Variants in ULK4 observed in about 807,000 individuals in gnomAD.
ULK4 encodes the protein inactive serine/threonine-protein kinase ULK4.
In ULK4, 133 loss-of-function variants were observed where a neutral mutation model predicts 160.6. The observed-to-expected ratio is 0.83, with a 90% CI of 0.72 to 0.96. The LOEUF (loss-of-function observed/expected upper bound fraction) is 0.96. ULK4 is among the 40% of genes least tolerant of loss of function. The pLI, the probability that ULK4 is intolerant of heterozygous loss-of-function variation, is 0.00. For synonymous variants in ULK4, 534 were observed against 539.8 expected, an observed-to-expected ratio of 0.99 and a Z score of 0.15; for missense variants, 1,580 against 1,499.5, an observed-to-expected ratio of 1.05 and a Z score of -0.89.
At chr3:41,734,634 A>G (rs2037964403) in intron 22 of ULK4, among the ~76,000 whole-genome samples, 1 of 152,168 alleles carries the variant, frequency 6.6e-6, no homozygotes, top group African/African-American at 2.4e-5. Context: ...CAAAGAAGAG[A>G]CTGAGGTGGG....
In ULK4 at chr3:41,754,459, A is replaced by G; in HGVS notation, c.2223T>C (p.Leu741=). 1 of 1,613,564 alleles carries G rather than the reference A, an allele frequency of 6.2e-7. No individual in the cohort carries two copies. Among genetic ancestry groups the G allele is most frequent in the Non-Finnish European group, 8.5e-7 (1 of 1,179,756 alleles). ...KGFVSTIIRL[L]DSPSTCIRAK... Reference sequence around the variant, plus strand: ...CTCTAATGCATGTTGAGGGGCTGTCAAGTAAACGGATAATTGTGGAGACAA... The same window carrying G: ...CTCTAATGCATGTTGAGGGGCTGTCGAGTAAACGGATAATTGTGGAGACAA... The change falls in exon 22 of 37, where the codon CTT becomes CTC. Residue 741 remains leucine, a synonymous_variant. Coordinates refer to ENST00000301831, the MANE Select transcript of ULK4 (RefSeq NM_017886.4).
chr3:41,376,036 T>A (rs56309005), intron 35 of ULK4, among the ~76,000 whole-genome samples: 1 of 149,916 alleles, frequency 6.7e-6, no homozygotes, highest in South Asian at 2.2e-4. Context: ...TAAAAAAAGC[T>A]CATCATCGCT....
chr3:41,340,538 T>C lies in ULK4; in HGVS notation c.3678+57541A>G, dbSNP rs866133171. Among the ~76,000 whole-genome samples, 17 of 152,378 alleles carry C rather than the reference T, an allele frequency of 1.1e-4. No homozygotes were observed. In the Middle Eastern group the frequency reaches 0.014, roughly 122 times the overall value. The stretch of plus-strand genomic sequence containing the variant: ...AAAGGAATTAACTAGATCAGCACTA[T>C]CTAATATAGTAGTTACTAGTCACAT... On this transcript the variant is annotated intron_variant, in intron 35 of 36. Coordinates refer to ENST00000301831, the MANE Select transcript of ULK4 (RefSeq NM_017886.4).
intron 27 of ULK4, among the ~76,000 whole-genome samples, chr3:41,688,692 C>T (rs1240391185): frequency 6.6e-6 from 1 of 152,094 alleles, no homozygotes; most frequent in Non-Finnish European, 1.5e-5. Context: ...AACCGTCAGC[C>T]CTGTGTGCTA....
At position 41,953,285 on chromosome 3, in the gene ULK4, C is replaced by CACATATATATATATATAT. The variant is rs374288098; in HGVS notation, c.138+1336_138+1337insATATATATATATATATGT. 2.3e-3 allele frequency among the ~76,000 whole-genome samples: 199 copies of CACATATATATATATATAT among 85,770 alleles called. 3 individuals carry two copies. The highest frequency in any genetic ancestry group is 3.2e-3 in the Non-Finnish European group (133 of 41,016). The allele number at this position is 85,770 out of a possible 152,430, so 56.3% of individuals were successfully genotyped here. A position where few individuals can be genotyped will look rare whatever the true frequency, so the allele number is the denominator to read the frequency against. ...ATATACACATATATACATATATACA[C>CACATATATATATATATAT]ATATATATATATATATATATTTTTT... On this transcript the variant is annotated intron_variant, in intron 2 of 36. Transcript: ENST00000301831.
intron 32 of ULK4, among the ~76,000 whole-genome samples, chr3:41,559,124 G>A (rs1014920317): frequency 4.7e-5 from 7 of 150,058 alleles, no homozygotes; most frequent in Non-Finnish European, 8.9e-5. Flanking sequence ...AGAATATGCA[G>A]TGTTTGGTTT....
intron 32 of ULK4, among the ~76,000 whole-genome samples, chr3:41,497,502 C>A (rs2085037031): frequency 6.6e-6 from 1 of 151,964 alleles, no homozygotes; most frequent in South Asian, 2.1e-4. Flanking sequence ...CATAGTTTGC[C>A]AAATTTGGCA....
At chr3:41,753,506 T>C (rs992401220) in intron 22 of ULK4, among the ~76,000 whole-genome samples, 1 of 152,102 alleles carries the variant, frequency 6.6e-6, no homozygotes, top group Non-Finnish European at 1.5e-5. Context: ...TCAGAAAGCA[T>C]CAGAACACGA....
chr3:41,283,690 T>C (rs1320787119), intron 35 of ULK4, among the ~76,000 whole-genome samples: 1 of 152,056 alleles, frequency 6.6e-6, no homozygotes, highest in African/African-American at 2.4e-5. Flanking sequence ...AAATACCTAA[T>C]TTAAATGACA....
chr3:41,733,011 G>A (rs527558249), intron 22 of ULK4, among the ~76,000 whole-genome samples: 15 of 152,016 alleles, frequency 9.9e-5, no homozygotes. Context: ...CAGTTCGATA[G>A]GGAAAATAAG....
intron 35 of ULK4, among the ~76,000 whole-genome samples, chr3:41,267,084 T>C (rs942393825): frequency 6.8e-6 from 1 of 147,480 alleles, no homozygotes; most frequent in Non-Finnish European, 1.5e-5. Flanking sequence ...GTACAGTACA[T>C]GCAGGTTGGT....
intron 34 of ULK4, among the ~76,000 whole-genome samples, chr3:41,414,416 T>A (rs1318051129): frequency 6.6e-6 from 1 of 152,202 alleles, no homozygotes; most frequent in African/African-American, 2.4e-5. Flanking sequence ...CAATTTAAAA[T>A]CACAGTTGTG....
At chr3:41,317,063 A>ATTTCTT (rs2080157020) in intron 35 of ULK4, among the ~76,000 whole-genome samples, 1 of 94,522 alleles carries the variant, frequency 1.1e-5, no homozygotes, top group African/African-American at 4.3e-5. Flanking sequence ...AATTACATCT[A>ATTTCTT]TTTTTTTTTT....
intron 27 of ULK4, among the ~76,000 whole-genome samples, chr3:41,693,920 G>T (rs898351394): frequency 6.6e-6 from 1 of 152,178 alleles, no homozygotes; most frequent in African/African-American, 2.4e-5. Context: ...ACTAGGAGTG[G>T]GGAAGGGAGC....
chr3:41,465,252 G>C (rs1433930255), intron 32 of ULK4, among the ~76,000 whole-genome samples: 2 of 152,152 alleles, frequency 1.3e-5, no homozygotes, highest in South Asian at 4.1e-4. Flanking sequence ...AAAGTCATGA[G>C]ACAGTTCAGC....
chr3:41,389,691 T>C (rs2081909737), intron 35 of ULK4, among the ~76,000 whole-genome samples: 1 of 152,256 alleles, frequency 6.6e-6, no homozygotes, highest in African/African-American at 2.4e-5. Flanking sequence ...TTTGCCTATG[T>C]TGAACCAGCC....
At chr3:41,919,528 G>C (rs964372625) in intron 6 of ULK4, among the ~76,000 whole-genome samples, 189 bp downstream of exon 6, 3 of 152,184 alleles carry the variant, frequency 2.0e-5, no homozygotes, top group Non-Finnish European at 2.9e-5. Context: ...CTTGAACCCA[G>C]GAGGCAGAGG....
chr3:41,585,801 A>G (rs949101477), intron 31 of ULK4, among the ~76,000 whole-genome samples: 1 of 152,186 alleles, frequency 6.6e-6, no homozygotes, highest in South Asian at 2.1e-4. Flanking sequence ...CATTGTATAA[A>G]AAACTCCTAT....
chr3:41,248,546 T>G (rs1466314683), intron 36 of ULK4, among the ~76,000 whole-genome samples: 1 of 152,218 alleles, frequency 6.6e-6, no homozygotes, highest in East Asian at 1.9e-4. Context: ...AAAAGGCTGA[T>G]TGGAATTGAG....
Sources: allele counts gnomAD v4.1 joint callset (sites outside exome capture counted in the v4.1 genomes callset), GRCh38; gene constraint gnomAD v4.1.1; transcripts MANE v1.5; gene names NCBI Gene and HGNC (gene_info 2026-07-23, HGNC 2026-07-21).